ANKRD55: variants seen among roughly 807,000 people sequenced by gnomAD.
ANKRD55 encodes the protein ankyrin repeat domain 55.
In ANKRD55, 41 loss-of-function variants were observed where a neutral mutation model predicts 60.6. That is an observed-to-expected ratio of 0.68 (90% CI 0.53 to 0.88). ANKRD55 has a LOEUF of 0.88. ANKRD55 is among the 40% of genes least tolerant of loss of function. ANKRD55 has a pLI of 0.00. For synonymous variants in ANKRD55, 264 were observed against 290.3 expected (o/e 0.91, Z 0.92); for missense variants, 732 against 767.6 (o/e 0.95, Z 0.55).
At chr5:56,217,973 G>A (rs1212452488) in intron 2 of ANKRD55, among the ~76,000 whole-genome samples, 1 of 152,140 alleles carries the variant, frequency 6.6e-6, no homozygotes, top group Non-Finnish European at 1.5e-5. Flanking sequence ...TTTTGAAGAA[G>A]TCTTAGAGGA....
chr5:56,125,347 C>CT (rs1393044485), intron 8 of ANKRD55, among the ~76,000 whole-genome samples: 1 of 151,528 alleles, frequency 6.6e-6, no homozygotes, highest in Admixed American at 6.6e-5. Context: ...ATGGCGCGAT[C>CT]TTGGCTCACT....
rs914873138 is a variant in ANKRD55 at position 56,122,488 on chromosome 5, T to TA, written c.797+4433dup. Among the ~76,000 whole-genome samples, 241 of 143,818 alleles carry TA rather than the reference T, an allele frequency of 1.7e-3. 1 individual carries two copies. The East Asian group carries it at 0.02, about 12-fold the overall frequency. The allele number at this position is 143,818 out of a possible 152,430, so 94.4% of individuals were successfully genotyped here. On this transcript the variant is annotated intron_variant, in intron 8 of 11. Transcript: ENST00000341048. ...CAACATGGTGAAACCCCTAATCTAC[T>TA]AAAAAAAAAACAAACCCAAAATTAG...
rs533717668 is a variant in ANKRD55 at position 56,103,954 on chromosome 5, A to G, written c.1631-1368T>C. Among the ~76,000 whole-genome samples, 5 of 152,374 alleles carry G rather than the reference A, an allele frequency of 3.3e-5. No individual in the cohort carries two copies. The South Asian group carries it at 1.0e-3, about 32-fold the overall frequency. On this transcript the variant is annotated intron_variant, in intron 10 of 11. Coordinates refer to ENST00000341048, the MANE Select transcript of ANKRD55 (RefSeq NM_024669.3). ...AGCAATGTTAGTTGATGGAGATTAA[A>G]TCTCCAGTCTCCCTGGTGGATATTT...
At chr5:56,147,847 T>A (rs1757936962) in intron 6 of ANKRD55, among the ~76,000 whole-genome samples, 1 of 152,226 alleles carries the variant, frequency 6.6e-6, no homozygotes, top group Non-Finnish European at 1.5e-5. Flanking sequence ...ACACTTTATT[T>A]AGGAACATTT....
intron 7 of ANKRD55, chr5:56,136,928 A>G (rs931365311): frequency 7.0e-6 from 3 of 428,802 alleles, no homozygotes; most frequent in African/African-American, 6.1e-5. Flanking sequence ...AAATTATATA[A>G]GAATTCCAGG....
chr5:56,115,534 G>T (rs1756861970), intron 9 of ANKRD55, among the ~76,000 whole-genome samples: 1 of 151,720 alleles, frequency 6.6e-6, no homozygotes, highest in Non-Finnish European at 1.5e-5. Flanking sequence ...GGCCAGGCTG[G>T]TCTAGCTGAA....
At chr5:56,166,086 T>TTCTTTC (rs1554040773) in intron 5 of ANKRD55, among the ~76,000 whole-genome samples, 1 of 91,772 alleles carries the variant, frequency 1.1e-5, no homozygotes. Flanking sequence ...TTTCTTTTCT[T>TTCTTTC]TTTCTTTCTT....
At position 56,100,007 on chromosome 5, in the gene ANKRD55, A is replaced by G; in HGVS notation, c.*176T>C. The G allele has an allele frequency of 1.3e-6, 1 of 790,902 alleles. No individual in the cohort carries two copies. Among genetic ancestry groups the G allele is most frequent in the Non-Finnish European group, 2.0e-6 (1 of 502,690 alleles). The allele number at this position is 790,902 out of a possible 1,614,324, so 49.0% of individuals were successfully genotyped here. The stretch of plus-strand genomic sequence containing the variant: ...CTTAATATGCACACCCAAATATTCT[A>G]AGTGCTTATTTAGGGAGTATCTTTA... On this transcript the variant is annotated 3_prime_UTR_variant, in exon 12 of 12. Transcript: ENST00000341048.
intron 2 of ANKRD55, among the ~76,000 whole-genome samples, chr5:56,213,396 C>T (rs1008969880): frequency 7.2e-5 from 11 of 151,760 alleles, no homozygotes; most frequent in Admixed American, 2.6e-4. Flanking sequence ...AAGGTAGGAG[C>T]GGGGATGGAT....
intron 6 of ANKRD55, among the ~76,000 whole-genome samples, chr5:56,147,986 T>C (rs1757940865): frequency 6.6e-6 from 1 of 152,226 alleles, no homozygotes; most frequent in African/African-American, 2.4e-5. Context: ...GCTTAGCAAT[T>C]GGTATCTGTA....
chr5:56,126,852 CTCCT>C, intron 8 of ANKRD55, 66 bp downstream of exon 8: 1 of 1,507,000 alleles, frequency 6.6e-7, no homozygotes. Context: ...CCTTAAACAT[CTCCT>C]TTATTTTAAG....
At chr5:56,211,180 A>T (rs1561294201) in intron 2 of ANKRD55, among the ~76,000 whole-genome samples, 2 of 152,180 alleles carry the variant, frequency 1.3e-5, no homozygotes, top group East Asian at 3.8e-4. Context: ...GAATAACCCT[A>T]AAGTTAGTGA....
intron 2 of ANKRD55, among the ~76,000 whole-genome samples, chr5:56,197,883 T>C (rs116782218): frequency 6.6e-6 from 1 of 152,232 alleles, no homozygotes; most frequent in Non-Finnish European, 1.5e-5. Context: ...AATTTTTCAC[T>C]TCTTTGAGAC....
At chr5:56,120,969 T>G (rs1197400434) in intron 8 of ANKRD55, among the ~76,000 whole-genome samples, 2 of 146,090 alleles carry the variant, frequency 1.4e-5, no homozygotes, top group African/African-American at 5.1e-5. Context: ...AGCAAAGGGG[T>G]CAAGAACCTT....
rs760126113 is a variant in ANKRD55, at chr5:56,143,790, C to G, written c.612+11G>C. On this transcript the variant is annotated intron_variant, in intron 7 of 11. Coordinates refer to ENST00000341048, the MANE Select transcript of ANKRD55 (RefSeq NM_024669.3). ...TTAAACCTGAGACCAGTCCACAGGTCAATTTCTCACCTGGACTGCCCAGTG... is the reference window on the plus strand; with the variant it reads ...TTAAACCTGAGACCAGTCCACAGGTGAATTTCTCACCTGGACTGCCCAGTG... The G allele has an allele frequency of 6.2e-7, 1 of 1,614,120 alleles. No individual in the cohort carries two copies. Among genetic ancestry groups the G allele is most frequent in the Non-Finnish European group, 8.5e-7 (1 of 1,180,026 alleles).
At chr5:56,150,547 T>A (rs918610901) in intron 6 of ANKRD55, among the ~76,000 whole-genome samples, 1 of 151,520 alleles carries the variant, frequency 6.6e-6, no homozygotes, top group Non-Finnish European at 1.5e-5. Flanking sequence ...GAGGTTGCAG[T>A]GAACTGAGAT....
At chr5:56,134,807 T>C (rs1031806931) in intron 7 of ANKRD55, among the ~76,000 whole-genome samples, 5 of 152,094 alleles carry the variant, frequency 3.3e-5, no homozygotes, top group African/African-American at 1.2e-4. Flanking sequence ...ATAAGAAAAC[T>C]ATAGACCAAT....
chr5:56,107,301 T>C (rs1356083843), intron 10 of ANKRD55, among the ~76,000 whole-genome samples: 1 of 152,004 alleles, frequency 6.6e-6, no homozygotes, highest in Non-Finnish European at 1.5e-5. Context: ...CTCAGAAAAA[T>C]TGGTTGAAAA....
chr5:56,115,427 T>G (rs1342016621), intron 9 of ANKRD55, among the ~76,000 whole-genome samples: 2 of 151,632 alleles, frequency 1.3e-5, no homozygotes, highest in African/African-American at 2.4e-5. Context: ...CAAGCGATTC[T>G]CCTGCCTCAG....
Sources: gnomAD v4.1 joint callset for allele counts (sites outside exome capture counted in the v4.1 genomes callset) on GRCh38, gnomAD v4.1.1 for gene constraint, MANE v1.5 for transcripts, NCBI Gene and HGNC (gene_info 2026-07-23, HGNC 2026-07-21) for gene names.